The following PRMT2 variants were observed in gnomAD, a reference collection of about 807,000 sequenced individuals.
PRMT2 encodes the protein protein arginine methyltransferase 2, also known as protein arginine N-methyltransferase 2.
PRMT2 carries 26 observed loss-of-function variants against 57.6 expected under a neutral mutation model. The ratio of observed to expected loss-of-function variants is 0.45; its 90% CI spans 0.33 to 0.63. The LOEUF is 0.63. Ranked by LOEUF, PRMT2 falls within the 20% of genes least tolerant of loss-of-function variation. PRMT2 has a pLI of 0.02. For missense variants in PRMT2, 472 were observed against 564.4 expected (o/e 0.84, Z 1.66); for synonymous variants, 219 against 220.0 (o/e 1.00, Z 0.04).
chr21:46,643,687 T>C (rs993971300), intron 4 of PRMT2, 48 bp downstream of exon 4: 3 of 1,542,210 alleles, frequency 1.9e-6, no homozygotes, highest in Non-Finnish European at 1.7e-6. Context: ...GCATGTTCAG[T>C]GTCAAAAGGA....
At chr21:46,642,201 C>T (rs1601919071) in intron 3 of PRMT2, among the ~76,000 whole-genome samples, 2 of 152,118 alleles carry the variant, frequency 1.3e-5, no homozygotes, top group African/African-American at 4.8e-5. Context: ...GAGACTTACC[C>T]TAAGAAGATT....
chr21:46,660,758 C>A (rs1569164587), intron 8 of PRMT2, 75 bp from the exon 9 acceptor site: 2 of 1,542,892 alleles, frequency 1.3e-6, no homozygotes, highest in Non-Finnish European at 1.8e-6. Context: ...GCACTCACCG[C>A]GGTCCCACGT....
chr21:46,657,239 T>A (rs147095586), intron 7 of PRMT2: 25 of 152,184 alleles, frequency 1.6e-4, no homozygotes, highest in African/African-American at 4.6e-4. Flanking sequence ...AACAGGTGGG[T>A]GCTTTCTTAT....
At chr21:46,651,052 C>T (rs768708793) in intron 7 of PRMT2, among the ~76,000 whole-genome samples, 9 of 152,180 alleles carry the variant, frequency 5.9e-5, no homozygotes, top group Admixed American at 1.3e-4. Context: ...TATGTGTGGC[C>T]GGGACTGGAG....
chr21:46,639,552 A>G (rs1271913200), intron 3 of PRMT2, among the ~76,000 whole-genome samples: 2 of 151,600 alleles, frequency 1.3e-5, no homozygotes, highest in South Asian at 2.1e-4. Flanking sequence ...TTTGTTTTCT[A>G]GATTAATTGA....
At chr21:46,638,663 G>T (rs2061217335) in intron 3 of PRMT2, among the ~76,000 whole-genome samples, 2 of 152,172 alleles carry the variant, frequency 1.3e-5, no homozygotes, top group Admixed American at 6.5e-5. Flanking sequence ...GTTAGAAATG[G>T]TATTTTGTTA....
At chr21:46,652,334 T>A in intron 7 of PRMT2, 3 of 1,186,304 alleles carry the variant, frequency 2.5e-6, no homozygotes, top group Non-Finnish European at 3.1e-6. Flanking sequence ...CTTCATACAT[T>A]AGCACAGCTA....
chr21:46,664,432 A>G lies in PRMT2; in HGVS notation c.*105A>G. 1 of 1,408,674 alleles carries G rather than the reference A, an allele frequency of 7.1e-7. No homozygotes were observed. Among genetic ancestry groups the G allele is most frequent in the Admixed American group, 1.7e-5 (1 of 59,134 alleles). 87.3% of individuals were successfully genotyped at this position (1,408,674 alleles called of 1,614,324 possible). A position where few individuals can be genotyped will look rare whatever the true frequency, so the allele number is the denominator to read the frequency against. On this transcript the variant is annotated 3_prime_UTR_variant, in exon 12 of 12. Coordinates refer to ENST00000355680, the MANE Select transcript of PRMT2 (RefSeq NM_206962.4). Reference sequence around the variant, plus strand: ...CTGCACACTCCTGCGAAAGTCGGTGAACATTCACTCCACATTGACCCCTCC... The same window carrying G: ...CTGCACACTCCTGCGAAAGTCGGTGGACATTCACTCCACATTGACCCCTCC...
chr21:46,659,037 T>A (rs1162623599), intron 8 of PRMT2, 117 bp downstream of exon 8: 2 of 1,459,708 alleles, frequency 1.4e-6, no homozygotes, highest in Non-Finnish European at 1.8e-6. Flanking sequence ...AGGGTACCTG[T>A]GCACCCAGAT....
At chr21:46,652,929 C>T (rs1348350851) in intron 7 of PRMT2, 1 of 1,300,206 alleles carries the variant, frequency 7.7e-7, no homozygotes, top group Non-Finnish European at 1.0e-6. Context: ...TCCCACTAGC[C>T]AGTGGCACTG....
intron 4 of PRMT2, 56 bp from the exon 5 acceptor site, chr21:46,644,250 C>T (rs764832294): frequency 3.3e-5 from 51 of 1,538,618 alleles, no homozygotes; most frequent in Non-Finnish European, 4.3e-5. Context: ...CACTGAGCCA[C>T]ATTTGAAATA....
chr21:46,651,919 T>A, intron 7 of PRMT2: 1 of 1,613,250 alleles, frequency 6.2e-7, no homozygotes, highest in Non-Finnish European at 8.5e-7. Flanking sequence ...CTGTCCCTCT[T>A]CATGTCCTCC....
chr21:46,643,909 A>G (rs950016814), intron 4 of PRMT2, among the ~76,000 whole-genome samples: 11 of 152,130 alleles, frequency 7.2e-5, no homozygotes, highest in Non-Finnish European at 1.6e-4. Flanking sequence ...AGTTAATGAA[A>G]AGTAAGGCTA....
rs371192101 is a variant in PRMT2, at chr21:46,658,801, C to T, written c.711C>T (p.Asp237=). ...CCCGGGATGCCTGGCTGAAGGAGGA[C>T]GGGGTCATTTGGCCCACCATGGCTG... ...LYARDAWLKE[D]GVIWPTMAAL... Residue 237 remains aspartate (D), a synonymous_variant, in exon 8 of 12, where the codon GAC becomes GAT. Transcript: ENST00000355680. The T allele has an allele frequency of 1.1e-5, 18 of 1,614,066 alleles. No homozygotes were observed. The highest frequency in any genetic ancestry group is 1.1e-4 in the African/African-American group (8 of 74,936).
At chr21:46,662,388 C>T (rs1437533109) in intron 10 of PRMT2, among the ~76,000 whole-genome samples, 3 of 152,232 alleles carry the variant, frequency 2.0e-5, no homozygotes, top group Admixed American at 6.5e-5. Context: ...CAGGCCTTCC[C>T]TTTGGGTGGG....
At chr21:46,644,988 C>T (rs1247385904) in intron 5 of PRMT2, among the ~76,000 whole-genome samples, 1 of 151,996 alleles carries the variant, frequency 6.6e-6, no homozygotes, top group African/African-American at 2.4e-5. Flanking sequence ...GTAATCCCTA[C>T]ACTTTGGGAG....
chr21:46,650,161 G>A (rs28575991), intron 7 of PRMT2, among the ~76,000 whole-genome samples: 2 of 152,154 alleles, frequency 1.3e-5, no homozygotes, highest in Non-Finnish European at 2.9e-5. Flanking sequence ...TGTCCTGTCA[G>A]GGTTGCTCAC....
At chr21:46,659,291 A>G (rs1226481504) in intron 8 of PRMT2, 1 of 1,014,616 alleles carries the variant, frequency 9.9e-7, no homozygotes, top group Non-Finnish European at 1.2e-6. Flanking sequence ...ACAGACATCC[A>G]TGGGGGCCTG....
At chr21:46,656,717 A>G (rs1159906028) in intron 7 of PRMT2, 1 of 152,158 alleles carries the variant, frequency 6.6e-6, no homozygotes, top group Non-Finnish European at 1.5e-5. Flanking sequence ...ATGTAAAACT[A>G]TAAACCTCCT....
Sources: gnomAD v4.1 joint callset for allele counts (sites outside exome capture counted in the v4.1 genomes callset) on GRCh38, gnomAD v4.1.1 for gene constraint, MANE v1.5 for transcripts, NCBI Gene and HGNC (gene_info 2026-07-23, HGNC 2026-07-21) for gene names.